Variants in CCDC171 observed in about 807,000 individuals in gnomAD.
CCDC171 encodes coiled-coil domain containing 171.
A neutral mutation model predicts 168.2 loss-of-function variants in CCDC171; 177 were observed. That is an observed-to-expected ratio of 1.05 (90% CI 0.93 to 1.19). CCDC171 has a LOEUF of 1.19. CCDC171 is among the 50% of genes most tolerant of loss of function. CCDC171 has a pLI of 0.00. For missense variants in CCDC171, 1,991 were observed against 1,539.0 expected (o/e 1.29, Z -4.91); for synonymous variants, 687 against 540.8 (o/e 1.27, Z -3.75).
chr9:16,015,754 CTG>C (rs895980131), intron 3 of CCDC171, among the ~76,000 whole-genome samples: 8 of 152,192 alleles, frequency 5.3e-5, no homozygotes, highest in African/African-American at 1.7e-4. Context: ...AACTGAAACT[CTG>C]TACCTATTAA....
chr9:15,953,200 C>T (rs188847314), intron 25 of CCDC171, among the ~76,000 whole-genome samples: 17 of 152,264 alleles, frequency 1.1e-4, no homozygotes, highest in African/African-American at 3.9e-4. Context: ...TTTGCTAGGC[C>T]TTCCAGTACT....
intron 1 of CCDC171, among the ~76,000 whole-genome samples, chr9:15,560,276 C>T (rs1424681285): frequency 6.6e-6 from 1 of 152,056 alleles, no homozygotes; most frequent in African/African-American, 2.4e-5. Context: ...TGTTGGCCTG[C>T]CTCACTAGGT....
the CCDC171 span, among the ~76,000 whole-genome samples, chr9:16,081,414 T>C: frequency 6.6e-5 from 10 of 152,184 alleles, no homozygotes. Flanking sequence ...TGAGAACTCA[T>C]GGGTCAAATA....
rs1288954373 is a variant in CCDC171, at chr9:15,972,112, A to C, written c.*276A>C. 2.5e-6 allele frequency: 1 copy of C among 397,474 alleles called. No homozygotes were observed. Among genetic ancestry groups the C allele is most frequent in the Non-Finnish European group, 4.5e-6 (1 of 223,062 alleles). The allele number at this position is 397,474 out of a possible 1,614,324, so 24.6% of individuals were successfully genotyped here. On this transcript the variant is annotated 3_prime_UTR_variant, in exon 26 of 26. Transcript: ENST00000380701. ...TGACACATTTTGGGTAATTTCCCTC[A>C]GACTTAAAAAAATCAATAAGCCATT... is the stretch of plus-strand genomic sequence containing the variant.
rs1010408307 is a variant in CCDC171, at chr9:15,817,167, C to G, written c.3268-29535C>G. ...AACACCAATAACAACAAATCAAAAC[C>G]AAGAACCTTTGCCAGTGTGACAGAT... On this transcript the variant is annotated intron_variant, in intron 21 of 25. Transcript: ENST00000380701. Among the ~76,000 whole-genome samples, 14 of 117,696 alleles carry G rather than the reference C, an allele frequency of 1.2e-4. 3 individuals carry two copies. The highest frequency in any genetic ancestry group is 4.5e-4 in the African/African-American group (14 of 31,288). The allele number at this position is 117,696 out of a possible 152,430, so 77.2% of individuals were successfully genotyped here. A position where few individuals can be genotyped will look rare whatever the true frequency, so the allele number is the denominator to read the frequency against.
intron 21 of CCDC171, among the ~76,000 whole-genome samples, chr9:15,825,558 T>TG (rs1284012407): frequency 6.6e-6 from 1 of 152,294 alleles, no homozygotes; most frequent in East Asian, 1.9e-4. Context: ...AGTCAGAACT[T>TG]GAAGTCAGTT....
intron 11 of CCDC171, among the ~76,000 whole-genome samples, chr9:15,708,945 T>C (rs2052449586): frequency 6.6e-6 from 1 of 152,202 alleles, no homozygotes; most frequent in Admixed American, 6.5e-5. Context: ...TTTCTAAATA[T>C]TGTTAGGGTT....
At chr9:15,858,631 C>G (rs2061434952) in intron 23 of CCDC171, among the ~76,000 whole-genome samples, 1 of 151,976 alleles carries the variant, frequency 6.6e-6, no homozygotes, top group Admixed American at 6.6e-5. Flanking sequence ...TCTTTCACCT[C>G]TGTTAATTTG....
At chr9:15,747,982 A>G (rs2055423953) in intron 18 of CCDC171, among the ~76,000 whole-genome samples, 1 of 151,900 alleles carries the variant, frequency 6.6e-6, no homozygotes, top group Admixed American at 6.5e-5. Flanking sequence ...AACCCACTGC[A>G]AGGAAGCTAA....
intron 4 of CCDC171, among the ~76,000 whole-genome samples, chr9:15,582,692 A>G (rs2041227203): frequency 6.6e-6 from 1 of 152,274 alleles, no homozygotes; most frequent in Non-Finnish European, 1.5e-5. Flanking sequence ...ACAGAAAACC[A>G]AACAGCGCAT....
At chr9:15,980,034 G>T (rs1831744900) in intron 3 of CCDC171, among the ~76,000 whole-genome samples, 1 of 151,924 alleles carries the variant, frequency 6.6e-6, no homozygotes, top group African/African-American at 2.4e-5. Flanking sequence ...CCTAAACAAG[G>T]CTGTAGTATT....
At chr9:15,730,721 A>G (rs1292284627) in intron 16 of CCDC171, among the ~76,000 whole-genome samples, 1 of 151,962 alleles carries the variant, frequency 6.6e-6, no homozygotes, top group Non-Finnish European at 1.5e-5. Context: ...AAGGTCCTAT[A>G]TGAACTTATG....
intron 23 of CCDC171, among the ~76,000 whole-genome samples, chr9:15,855,213 T>C (rs2061303900): frequency 6.6e-6 from 1 of 151,814 alleles, no homozygotes. Flanking sequence ...TTTTTCCTCT[T>C]CAACTTGGTC....
intron 24 of CCDC171, among the ~76,000 whole-genome samples, chr9:15,901,140 T>G (rs1479355958): frequency 4.6e-5 from 7 of 152,152 alleles, no homozygotes; most frequent in Non-Finnish European, 5.9e-5. Context: ...AAAAAGTAAT[T>G]ATAAAAACTA....
the CCDC171 span, among the ~76,000 whole-genome samples, chr9:16,103,836 G>T: frequency 6.6e-6 from 1 of 152,230 alleles, no homozygotes; most frequent in Non-Finnish European, 1.5e-5. Context: ...TGGACTCCGG[G>T]GGGGCTGGGG....
intron 3 of CCDC171, among the ~76,000 whole-genome samples, chr9:15,990,481 G>T (rs996281032): frequency 1.3e-5 from 2 of 152,156 alleles, no homozygotes; most frequent in East Asian, 3.9e-4. Context: ...ATGCCAAATT[G>T]TAAAGACCAT....
At chr9:15,578,484 G>T (rs2040853258) in intron 3 of CCDC171, among the ~76,000 whole-genome samples, 1 of 149,764 alleles carries the variant, frequency 6.7e-6, no homozygotes, top group Admixed American at 6.7e-5. Flanking sequence ...GGCCCGGGCT[G>T]GTCTTGAACT....
At position 15,837,019 on chromosome 9, in the gene CCDC171, A is replaced by G. The variant is rs114796910; in HGVS notation, c.3268-9683A>G. Among the ~76,000 whole-genome samples the G allele has an allele frequency of 1.8e-3, 270 of 152,242 alleles. 2 individuals carry two copies. Among genetic ancestry groups the G allele is most frequent in the African/African-American group, 6.1e-3 (253 of 41,546 alleles). ...GTAACTTGACATTTTAACATCTGCA[A>G]CCCTCTTCACTAGTTTGGTCAGTAG... On this transcript the variant is annotated intron_variant, in intron 21 of 25. Transcript: ENST00000380701.
In CCDC171 at chr9:15,825,587, A is replaced by G. The variant is rs372923914; in HGVS notation, c.3268-21115A>G. Reference sequence around the variant, plus strand: ...GTCAGTTCCTGGTGATTTAGTGGCTAGGGAGAAAAAGAACTTGAACTCAGG... The same window carrying G: ...GTCAGTTCCTGGTGATTTAGTGGCTGGGGAGAAAAAGAACTTGAACTCAGG... On this transcript the variant is annotated intron_variant, in intron 21 of 25. Coordinates refer to ENST00000380701, the MANE Select transcript of CCDC171 (RefSeq NM_173550.4). Among the ~76,000 whole-genome samples, 19 of 152,304 alleles carry G rather than the reference A, an allele frequency of 1.2e-4. No individual in the cohort carries two copies. The South Asian group carries it at 3.9e-3, about 32-fold the overall frequency.
Sources: allele counts gnomAD v4.1 joint callset (sites outside exome capture counted in the v4.1 genomes callset), GRCh38; gene constraint gnomAD v4.1.1; transcripts MANE v1.5; gene names NCBI Gene and HGNC (gene_info 2026-07-23, HGNC 2026-07-21).